Variants in KDM2A observed in about 807,000 individuals in gnomAD.
KDM2A encodes lysine-specific demethylase 2A.
Under a neutral mutation model 137.3 loss-of-function variants are expected in KDM2A, and 3 were observed. That is an observed-to-expected ratio of 0.02 (90% confidence interval 0.01 to 0.06). The LOEUF is 0.06. Ranked by LOEUF, KDM2A falls within the 10% of genes least tolerant of loss-of-function variation. The pLI is 1.00. For missense variants in KDM2A, 738 were observed against 1,510.6 expected, an observed-to-expected ratio of 0.49 and a Z score of 8.48; for synonymous variants, 512 against 541.5, an observed-to-expected ratio of 0.95 and a Z score of 0.76.
rs77531909 is a variant in KDM2A, at chr11:67,241,042, A to G, written c.1480-1967A>G. 5.6e-3 allele frequency among the ~76,000 whole-genome samples: 855 copies of G among 152,298 alleles called. 3 individuals carry two copies. Among genetic ancestry groups the G allele is most frequent in the African/African-American group, 0.02 (834 of 41,542 alleles). On this transcript the variant is annotated intron_variant, in intron 12 of 20. Transcript: ENST00000529006. ...TAAGTTCCTTTTCTACTCTTGAACAATCGCAGATCTTACTGTGCAGTCTGT... is the reference window on the plus strand; with the variant it reads ...TAAGTTCCTTTTCTACTCTTGAACAGTCGCAGATCTTACTGTGCAGTCTGT...
At chr11:67,231,509 T>TG (rs1310776567) in intron 11 of KDM2A, 57 bp from the exon 12 acceptor site, 2 of 1,450,970 alleles carry the variant, frequency 1.4e-6, no homozygotes, top group Non-Finnish European at 1.8e-6. Context: ...CTATTTCTCT[T>TG]GCTGATCACA....
chr11:67,197,984 A>G (rs919943690), intron 5 of KDM2A, among the ~76,000 whole-genome samples: 5 of 52,324 alleles, frequency 9.6e-5, no homozygotes, highest in African/African-American at 3.2e-4. Context: ...GTATTCTTAC[A>G]ATAAAGTAAG....
At chr11:67,240,821 T>C (rs1423203861) in intron 12 of KDM2A, among the ~76,000 whole-genome samples, 1 of 152,112 alleles carries the variant, frequency 6.6e-6, no homozygotes, top group Non-Finnish European at 1.5e-5. Context: ...CGTGCTTGGT[T>C]GAATGGCCCC....
At chr11:67,120,519 C>T (rs569217294) in intron 1 of KDM2A, among the ~76,000 whole-genome samples, 10 of 152,182 alleles carry the variant, frequency 6.6e-5, no homozygotes, top group Non-Finnish European at 1.2e-4. Flanking sequence ...AATTTTTGGA[C>T]AAGATGTATT....
chr11:67,214,237 C>T (rs1168874323), intron 6 of KDM2A, among the ~76,000 whole-genome samples: 2 of 102,590 alleles, frequency 1.9e-5, no homozygotes, highest in Non-Finnish European at 3.8e-5. Flanking sequence ...CGGAGTCTTG[C>T]TCTGTTACCC....
chr11:67,130,055 C>T (rs1030157423), intron 2 of KDM2A, among the ~76,000 whole-genome samples: 8 of 150,706 alleles, frequency 5.3e-5, no homozygotes, highest in Non-Finnish European at 7.4e-5. Context: ...CTCCGCCTCC[C>T]GGGTTCAAGT....
chr11:67,220,024 T>A (rs1013204519), intron 10 of KDM2A, among the ~76,000 whole-genome samples: 28 of 152,052 alleles, frequency 1.8e-4, no homozygotes, highest in Admixed American at 9.8e-4. Flanking sequence ...TTTCTTTTAA[T>A]ATTTGGGACA....
chr11:67,211,555 A>T (rs1857982923), intron 6 of KDM2A, among the ~76,000 whole-genome samples: 1 of 130,388 alleles, frequency 7.7e-6, no homozygotes, highest in Non-Finnish European at 1.6e-5. Context: ...CAGAGGTTGC[A>T]GTGAGCCATG....
intron 11 of KDM2A, among the ~76,000 whole-genome samples, chr11:67,230,661 C>T (rs1054628649): frequency 1.3e-5 from 2 of 151,602 alleles, no homozygotes; most frequent in African/African-American, 2.4e-5. Flanking sequence ...AAAAAAAACC[C>T]ACATAATAAT....
At chr11:67,180,344 G>A in intron 3 of KDM2A, 127 bp downstream of exon 3, 1 of 961,050 alleles carries the variant, frequency 1.0e-6, no homozygotes, top group Non-Finnish European at 1.5e-6. Context: ...ATTTTCTCTT[G>A]TTATACAATG....
At chr11:67,142,001 T>G (rs567922414) in intron 2 of KDM2A, among the ~76,000 whole-genome samples, 12 of 152,196 alleles carry the variant, frequency 7.9e-5, no homozygotes, top group Admixed American at 7.9e-4. Context: ...TGACAGAATT[T>G]CATTCTTTTT....
At chr11:67,240,071 C>A in intron 12 of KDM2A, 1 of 1,336,928 alleles carries the variant, frequency 7.5e-7, no homozygotes, top group African/African-American at 1.5e-5. Context: ...CTGGGAGCTG[C>A]ATGTGGGTGA....
intron 10 of KDM2A, among the ~76,000 whole-genome samples, chr11:67,223,000 G>A (rs796611566): frequency 6.6e-5 from 10 of 151,672 alleles, no homozygotes; most frequent in African/African-American, 9.7e-5. Flanking sequence ...TGAGACCAGC[G>A]TGAGCAACAT....
rs1456112828 is a variant in KDM2A, at chr11:67,245,676, CAA to C, written c.1833+219_1833+220del. The C allele has an allele frequency of 6.4e-6, 4 of 623,616 alleles. No individual in the cohort carries two copies. Among genetic ancestry groups the C allele is most frequent in the South Asian group, 2.1e-5 (1 of 47,082 alleles). The allele number at this position is 623,616 out of a possible 1,614,324, so 38.6% of individuals were successfully genotyped here. On this transcript the variant is annotated intron_variant, in intron 14 of 20. Coordinates refer to ENST00000529006, the MANE Select transcript of KDM2A (RefSeq NM_012308.3). This position sits in a 1 kb window ranked among gnomAD's most constrained non-coding sequence, Gnocchi z 4.1. The stretch of plus-strand genomic sequence containing the variant: ...CTTTAGGCTTTACCTAATTTTCAAA[CAA>C]GAGATTAGCATTTGAAGGGCAAATC...
chr11:67,235,491 CTG>C (rs558919945), intron 12 of KDM2A, among the ~76,000 whole-genome samples: 134 of 151,918 alleles, frequency 8.8e-4, no homozygotes, highest in African/African-American at 3.1e-3. Flanking sequence ...TTAGTAGAGA[CTG>C]GGCTTCTTCA....
At chr11:67,188,028 A>G (rs1162871795) in intron 5 of KDM2A, among the ~76,000 whole-genome samples, 1 of 152,090 alleles carries the variant, frequency 6.6e-6, no homozygotes, top group Non-Finnish European at 1.5e-5. Context: ...CCTCATGTCT[A>G]TAAAAAAAAT....
At chr11:67,153,047 C>T (rs1031579976) in intron 2 of KDM2A, among the ~76,000 whole-genome samples, 5 of 151,480 alleles carry the variant, frequency 3.3e-5, no homozygotes, top group East Asian at 3.9e-4. Context: ...TGAAATGGCA[C>T]GATCTCAGCT....
intron 12 of KDM2A, chr11:67,240,050 G>A: frequency 7.6e-7 from 1 of 1,308,592 alleles, no homozygotes; most frequent in Non-Finnish European, 9.7e-7. Flanking sequence ...ATCTTCCGTT[G>A]CAAAGCATTT....
At chr11:67,198,497 C>T (rs1241773245) in intron 5 of KDM2A, among the ~76,000 whole-genome samples, 3 of 151,714 alleles carry the variant, frequency 2.0e-5, no homozygotes, top group Non-Finnish European at 2.9e-5. Flanking sequence ...CCGAGGCGGG[C>T]GGATCTCGAG....
Sources: allele counts gnomAD v4.1 joint callset (sites outside exome capture counted in the v4.1 genomes callset), GRCh38; gene constraint gnomAD v4.1.1; non-coding constraint Gnocchi (gnomAD v3.1); transcripts MANE v1.5; gene names NCBI Gene and HGNC (gene_info 2026-07-23, HGNC 2026-07-21).